The following CDH20 variants were observed in gnomAD, a reference collection of about 807,000 sequenced individuals.
The protein encoded by CDH20 is cadherin 20, also known as cadherin-20.
CDH20 carries 29 observed loss-of-function variants against 74.2 expected under a neutral mutation model. That is an observed-to-expected ratio of 0.39 (90% CI 0.29 to 0.53). CDH20 has a LOEUF of 0.53. Ranked by LOEUF, CDH20 falls within the 20% of genes least tolerant of loss-of-function variation. The pLI is 0.69. For missense variants in CDH20, 988 were observed against 1,048.3 expected, an observed-to-expected ratio of 0.94 and a Z score of 0.79; for synonymous variants, 469 against 405.4, an observed-to-expected ratio of 1.16 and a Z score of -1.88.
chr18:61,363,859 G>C (rs1268100431), intron 1 of CDH20, among the ~76,000 whole-genome samples: 1 of 152,138 alleles, frequency 6.6e-6, no homozygotes, highest in Non-Finnish European at 1.5e-5. Context: ...GTAACTTTAT[G>C]ACCTAAATGA....
intron 6 of CDH20, among the ~76,000 whole-genome samples, chr18:61,520,311 G>A (rs866302200): frequency 0.016 from 518 of 33,140 alleles, 14 homozygotes; most frequent in African/African-American, 0.038. Context: ...GCGAGACTCC[G>A]TCTCAAAAAA....
chr18:61,407,374 A>G (rs1030382483), intron 1 of CDH20, among the ~76,000 whole-genome samples: 2 of 152,340 alleles, frequency 1.3e-5, no homozygotes, highest in East Asian at 3.9e-4. Context: ...CAGAGAAAGA[A>G]GTTAACAATT....
At chr18:61,412,905 G>A (rs1238026153) in intron 1 of CDH20, among the ~76,000 whole-genome samples, 1 of 152,134 alleles carries the variant, frequency 6.6e-6, no homozygotes, top group Non-Finnish European at 1.5e-5. Context: ...TCTGGGTCGG[G>A]TAGGAAAGAG....
chr18:61,484,919 G>A (rs539250620), intron 1 of CDH20, among the ~76,000 whole-genome samples: 11 of 152,056 alleles, frequency 7.2e-5, no homozygotes, highest in Non-Finnish European at 1.2e-4. Flanking sequence ...CAGCACTCTC[G>A]CATAAACTGG....
chr18:61,439,218 TAA>T (rs1908943113), intron 1 of CDH20, among the ~76,000 whole-genome samples: 1 of 152,108 alleles, frequency 6.6e-6, no homozygotes, highest in Non-Finnish European at 1.5e-5. Flanking sequence ...TATATCCCTG[TAA>T]GAAACCCATG....
chr18:61,457,979 T>C (rs1227811658), intron 1 of CDH20, among the ~76,000 whole-genome samples: 4 of 152,182 alleles, frequency 2.6e-5, no homozygotes, highest in African/African-American at 9.7e-5. Flanking sequence ...GAGCTAGTCT[T>C]CCTTCAAACA....
At chr18:61,422,815 C>A (rs1036789284) in intron 1 of CDH20, among the ~76,000 whole-genome samples, 1 of 151,114 alleles carries the variant, frequency 6.6e-6, no homozygotes, top group Non-Finnish European at 1.5e-5. Flanking sequence ...CAATAGCTAC[C>A]AAGTGTGAAC....
intron 1 of CDH20, among the ~76,000 whole-genome samples, chr18:61,403,162 G>A (rs1018858197): frequency 1.3e-5 from 2 of 152,118 alleles, no homozygotes; most frequent in African/African-American, 4.8e-5. Flanking sequence ...CTTAGAGAAA[G>A]GGAAACAATT....
intron 1 of CDH20, among the ~76,000 whole-genome samples, chr18:61,345,426 C>T (rs1412510638): frequency 3.9e-5 from 6 of 152,222 alleles, no homozygotes; most frequent in African/African-American, 1.4e-4. Context: ...CTTCACCTGT[C>T]AGTGACCAGG....
At chr18:61,349,651 T>A (rs939252530) in intron 1 of CDH20, among the ~76,000 whole-genome samples, 7 of 152,078 alleles carry the variant, frequency 4.6e-5, no homozygotes, top group Non-Finnish European at 1.0e-4. Context: ...GTATTAGAAC[T>A]GCTTCATTCA....
chr18:61,396,717 G>C (rs1911993233), intron 1 of CDH20, among the ~76,000 whole-genome samples: 1 of 152,218 alleles, frequency 6.6e-6, no homozygotes, highest in Non-Finnish European at 1.5e-5. Flanking sequence ...ACATGTGCAA[G>C]AGACCAACTT....
At chr18:61,360,907 G>A (rs575112984) in intron 1 of CDH20, among the ~76,000 whole-genome samples, 19 of 152,284 alleles carry the variant, frequency 1.2e-4, no homozygotes, top group African/African-American at 2.2e-4. Flanking sequence ...GTTTCAGTTC[G>A]CAGACATCAT....
rs773099480 is a variant in CDH20 at position 61,500,416 on chromosome 18, C to G, written c.575C>G (p.Ala192Gly). Residue 192 changes from alanine (A) to glycine (G), a missense_variant, in exon 4 of 12, where the codon GCA becomes GGA. Transcript: ENST00000262717. The part of the protein sequence containing the change: ...TSVIQVTATD[A>G]DDPTYGNSAR... Reference sequence around the variant, plus strand: ...GTCATCCAAGTGACAGCCACAGATGCAGATGACCCGACCTACGGCAACAGT... The same window carrying G: ...GTCATCCAAGTGACAGCCACAGATGGAGATGACCCGACCTACGGCAACAGT... The G allele has an allele frequency of 6.2e-7, 1 of 1,612,812 alleles. No individual in the cohort carries two copies. Among genetic ancestry groups the G allele is most frequent in the Non-Finnish European group, 8.5e-7 (1 of 1,179,146 alleles).
intron 1 of CDH20, among the ~76,000 whole-genome samples, chr18:61,336,648 T>C (rs915890950): frequency 6.6e-6 from 1 of 152,150 alleles, no homozygotes; most frequent in African/African-American, 2.4e-5. Flanking sequence ...AACCAGTAGT[T>C]GTATTTTTCT....
chr18:61,445,225 G>T (rs1909159906), intron 1 of CDH20, among the ~76,000 whole-genome samples: 1 of 151,918 alleles, frequency 6.6e-6, no homozygotes, highest in Non-Finnish European at 1.5e-5. Flanking sequence ...CCTACCATGT[G>T]CTGGTCACTA....
chr18:61,453,592 C>A (rs1909471249), intron 1 of CDH20, among the ~76,000 whole-genome samples: 1 of 152,162 alleles, frequency 6.6e-6, no homozygotes, highest in Non-Finnish European at 1.5e-5. Flanking sequence ...CTAACCTTTT[C>A]ATATTTGCTT....
At chr18:61,411,168 C>T (rs1423707254) in intron 1 of CDH20, among the ~76,000 whole-genome samples, 3 of 150,628 alleles carry the variant, frequency 2.0e-5, no homozygotes, top group East Asian at 3.9e-4. Flanking sequence ...ACTGCACTCC[C>T]GCCTGGGTGA....
At chr18:61,440,990 C>G (rs955660264) in intron 1 of CDH20, among the ~76,000 whole-genome samples, 2 of 152,120 alleles carry the variant, frequency 1.3e-5, no homozygotes, top group Non-Finnish European at 2.9e-5. Flanking sequence ...CTTTTGCAAT[C>G]AATCTAACAA....
chr18:61,529,056 G>A (rs1244101136), intron 7 of CDH20, among the ~76,000 whole-genome samples: 3 of 152,168 alleles, frequency 2.0e-5, no homozygotes, highest in Non-Finnish European at 2.9e-5. Flanking sequence ...TGCTCTTACA[G>A]TCATGGCCAT....
Sources: gnomAD v4.1 joint callset for allele counts (sites outside exome capture counted in the v4.1 genomes callset) on GRCh38, gnomAD v4.1.1 for gene constraint, MANE v1.5 for transcripts, NCBI Gene and HGNC (gene_info 2026-07-23, HGNC 2026-07-21) for gene names.